Variants in USH2A observed in about 807,000 individuals in gnomAD.
USH2A encodes the protein usherin, also known as Usher syndrome 2A (autosomal recessive, mild).
In USH2A, 443 loss-of-function variants were observed where a neutral mutation model predicts 538.9. The ratio of observed to expected loss-of-function variants is 0.82; its 90% CI spans 0.76 to 0.89. The LOEUF (loss-of-function observed/expected upper bound fraction) is 0.89, where lower values mean the gene tolerates loss of function less well. Among genes scored for constraint, USH2A ranks in the 40% least tolerant of loss-of-function variants. USH2A has a pLI of 0.00. For missense variants in USH2A, 6,633 were observed against 6,324.8 expected, an observed-to-expected ratio of 1.05 and a Z score of -1.65; for synonymous variants, 2,413 against 2,273.5, an observed-to-expected ratio of 1.06 and a Z score of -1.75.
At chr1:216,350,271 T>A (rs542895853) in intron 4 of USH2A, among the ~76,000 whole-genome samples, 1 of 152,222 alleles carries the variant, frequency 6.6e-6, no homozygotes, top group Non-Finnish European at 1.5e-5. Context: ...ATCCAAACCA[T>A]GTCATTCTGC....
At chr1:216,244,921 A>G (rs2036007029) in intron 13 of USH2A, among the ~76,000 whole-genome samples, 1 of 152,196 alleles carries the variant, frequency 6.6e-6, no homozygotes, top group Non-Finnish European at 1.5e-5. Flanking sequence ...TAATTACTCA[A>G]AAGGATATAA....
At chr1:216,328,445 C>G (rs1042703938) in intron 4 of USH2A, among the ~76,000 whole-genome samples, 1 of 151,938 alleles carries the variant, frequency 6.6e-6, no homozygotes, top group African/African-American at 2.4e-5. Flanking sequence ...ACTACCGACT[C>G]CAAGTTTTTT....
chr1:215,825,245 A>C (rs181780035), intron 47 of USH2A, among the ~76,000 whole-genome samples: 17 of 152,210 alleles, frequency 1.1e-4, no homozygotes, highest in African/African-American at 4.1e-4. Context: ...TAGAGATGGG[A>C]TCTTGCTATG....
At chr1:216,106,471 T>C (rs903818961) in intron 21 of USH2A, among the ~76,000 whole-genome samples, 6 of 151,380 alleles carry the variant, frequency 4.0e-5, no homozygotes, top group African/African-American at 1.2e-4. Context: ...TATTTTGCTA[T>C]ACTATTTCCT....
At chr1:216,248,319 A>C (rs993072210) in intron 12 of USH2A, among the ~76,000 whole-genome samples, 8 of 152,090 alleles carry the variant, frequency 5.3e-5, no homozygotes, top group Non-Finnish European at 1.2e-4. Context: ...CAAAGAAATA[A>C]AAAAATTAGA....
intron 61 of USH2A, among the ~76,000 whole-genome samples, chr1:215,705,617 T>C (rs1362640264): frequency 2.0e-5 from 3 of 152,198 alleles, no homozygotes; most frequent in Non-Finnish European, 4.4e-5. Flanking sequence ...GGGTCCCCTA[T>C]GGTAAAAGGT....
At chr1:216,350,624 A>G (rs1247803328) in intron 4 of USH2A, among the ~76,000 whole-genome samples, 1 of 152,142 alleles carries the variant, frequency 6.6e-6, no homozygotes, top group Non-Finnish European at 1.5e-5. Context: ...TCCACGTCTC[A>G]TATCCAGGGC....
chr1:216,139,149 C>T (rs2102609242), intron 21 of USH2A, among the ~76,000 whole-genome samples: 1 of 152,124 alleles, frequency 6.6e-6, no homozygotes, highest in Non-Finnish European at 1.5e-5. Flanking sequence ...TCAGTATTTC[C>T]TCTAATTACC....
chr1:215,900,983 T>C (rs1665483894), intron 38 of USH2A, 78 bp from the exon 39 acceptor site: 1 of 1,573,940 alleles, frequency 6.4e-7, no homozygotes, highest in Non-Finnish European at 8.7e-7. Flanking sequence ...ATGCTCCATA[T>C]ACTGGAAAAA....
chr1:216,382,723 C>T (rs1034840425), intron 3 of USH2A, among the ~76,000 whole-genome samples: 2 of 151,884 alleles, frequency 1.3e-5, no homozygotes, highest in African/African-American at 2.4e-5. Flanking sequence ...CAAGGAACCA[C>T]GAAAAGACCC....
intron 11 of USH2A, among the ~76,000 whole-genome samples, chr1:216,254,658 T>C (rs533062991): frequency 6.6e-6 from 1 of 152,194 alleles, no homozygotes; most frequent in Non-Finnish European, 1.5e-5. Context: ...GGCAGAGAAC[T>C]GAGGTGCCCC....
At chr1:216,343,804 T>C (rs1212396407) in intron 4 of USH2A, among the ~76,000 whole-genome samples, 1 of 152,184 alleles carries the variant, frequency 6.6e-6, no homozygotes, top group South Asian at 2.1e-4. Flanking sequence ...AAATCTAAGT[T>C]TTTAAATATG....
intron 70 of USH2A, among the ~76,000 whole-genome samples, chr1:215,630,499 T>G (rs1469526933): frequency 8.7e-6 from 1 of 114,628 alleles, no homozygotes; most frequent in African/African-American, 3.1e-5. Context: ...TATATATATA[T>G]ATATATATAT....
chr1:216,401,501 T>C (rs996410979), intron 3 of USH2A, among the ~76,000 whole-genome samples: 41 of 152,154 alleles, frequency 2.7e-4, no homozygotes, highest in African/African-American at 9.4e-4. Context: ...GCAGAGTGTA[T>C]TAGAATATAA....
At chr1:216,303,426 A>C (rs527805721) in intron 9 of USH2A, among the ~76,000 whole-genome samples, 1 of 151,982 alleles carries the variant, frequency 6.6e-6, no homozygotes, top group Non-Finnish European at 1.5e-5. Context: ...ACGAATTCAC[A>C]TACTAAGAAG....
At chr1:216,348,349 G>A (rs907460100) in intron 4 of USH2A, among the ~76,000 whole-genome samples, 1 of 152,082 alleles carries the variant, frequency 6.6e-6, no homozygotes, top group Admixed American at 6.6e-5. Context: ...AACCCCTTGG[G>A]AAAACTGGTC....
intron 61 of USH2A, among the ~76,000 whole-genome samples, chr1:215,700,104 T>G (rs1658957001): frequency 6.6e-6 from 1 of 152,204 alleles, no homozygotes. Flanking sequence ...TGTGATAGAT[T>G]ATGTTTATTG....
chr1:216,139,789 C>A (rs910577570), intron 21 of USH2A, among the ~76,000 whole-genome samples: 1 of 152,152 alleles, frequency 6.6e-6, no homozygotes, highest in Admixed American at 6.5e-5. Context: ...TGCAGTCATT[C>A]CCTATCTCTT....
intron 56 of USH2A, 102 bp from the exon 57 acceptor site, chr1:215,759,945 AT>A: frequency 7.4e-7 from 1 of 1,352,470 alleles, no homozygotes; most frequent in South Asian, 1.2e-5. Flanking sequence ...TTTTCTGTTG[AT>A]TTTAAAAAAT....
Sources: gnomAD v4.1 joint callset for allele counts (sites outside exome capture counted in the v4.1 genomes callset) on GRCh38, gnomAD v4.1.1 for gene constraint, MANE v1.5 for transcripts, NCBI Gene and HGNC (gene_info 2026-07-23, HGNC 2026-07-21) for gene names.